CNTNAP5: variants seen among roughly 807,000 people sequenced by gnomAD.
The protein encoded by CNTNAP5 is contactin associated protein family member 5, also known as contactin-associated protein-like 5.
A neutral mutation model predicts 150.2 loss-of-function variants in CNTNAP5; 72 were observed. The observed-to-expected ratio is 0.48, with a 90% confidence interval of 0.40 to 0.58. CNTNAP5 has a LOEUF of 0.58. Ranked by LOEUF, CNTNAP5 falls within the 20% of genes least tolerant of loss-of-function variation. CNTNAP5 has a pLI of 0.00. For synonymous variants in CNTNAP5, 672 were observed against 619.8 expected (o/e 1.08, Z -1.25); for missense variants, 1,636 against 1,626.2 (o/e 1.01, Z -0.10).
intron 13 of CNTNAP5, among the ~76,000 whole-genome samples, chr2:124,652,888 A>G (rs1678352574): frequency 6.6e-6 from 1 of 152,248 alleles, no homozygotes; most frequent in East Asian, 1.9e-4. Context: ...TCTTGCAGGC[A>G]GAGGGAAGAA....
At chr2:124,352,144 C>A (rs886442041) in intron 3 of CNTNAP5, among the ~76,000 whole-genome samples, 10 of 151,916 alleles carry the variant, frequency 6.6e-5, no homozygotes, top group African/African-American at 2.2e-4. Flanking sequence ...TAATTATCTG[C>A]TACAATGACC....
At chr2:124,744,890 A>G (rs1680572831) in intron 13 of CNTNAP5, among the ~76,000 whole-genome samples, 1 of 152,200 alleles carries the variant, frequency 6.6e-6, no homozygotes, top group South Asian at 2.1e-4. Flanking sequence ...TGGGACATCT[A>G]AAGGGAAAAT....
intron 3 of CNTNAP5, among the ~76,000 whole-genome samples, chr2:124,390,376 G>A (rs1028089914): frequency 2.6e-5 from 4 of 152,152 alleles, no homozygotes; most frequent in Non-Finnish European, 4.4e-5. Context: ...TACAGAAAGG[G>A]TTACCTTCCA....
At chr2:124,061,533 G>A (rs895374313) in intron 1 of CNTNAP5, among the ~76,000 whole-genome samples, 3 of 152,150 alleles carry the variant, frequency 2.0e-5, no homozygotes. Context: ...CTAAAAGAAA[G>A]AAGACCATGG....
At position 124,479,380 on chromosome 2, in the gene CNTNAP5, A is replaced by G. The variant is rs371221694; in HGVS notation, c.1062+4498A>G. On this transcript the variant is annotated intron_variant, in intron 7 of 23. Transcript: ENST00000682447. ...TTCTCCCAGAGGCAAGGAGCATAAC[A>G]TGATTCCCTGGGAGCTGGCTGAAGT... Among the ~76,000 whole-genome samples the G allele has an allele frequency of 3.1e-4, 47 of 152,290 alleles. 1 individual carries two copies. In the East Asian group the frequency reaches 5.0e-3, roughly 16 times the overall value.
At chr2:124,075,341 T>G (rs916312512) in intron 1 of CNTNAP5, among the ~76,000 whole-genome samples, 9 of 152,244 alleles carry the variant, frequency 5.9e-5, no homozygotes, top group African/African-American at 2.2e-4. Context: ...CTCTGCACTT[T>G]CGATGCCATG....
At chr2:124,198,472 A>G (rs1417528685) in intron 1 of CNTNAP5, among the ~76,000 whole-genome samples, 1 of 151,820 alleles carries the variant, frequency 6.6e-6, no homozygotes, top group Non-Finnish European at 1.5e-5. Flanking sequence ...TCATGAGTAT[A>G]CTGCGTGATG....
chr2:124,750,449 G>C (rs1680699946), intron 14 of CNTNAP5, among the ~76,000 whole-genome samples: 1 of 152,180 alleles, frequency 6.6e-6, no homozygotes, highest in Admixed American at 6.5e-5. Context: ...GCAAGTCATA[G>C]CTTGTGATAA....
At chr2:124,083,280 G>A (rs113771473) in intron 1 of CNTNAP5, among the ~76,000 whole-genome samples, 13,730 of 152,262 alleles carry the variant, frequency 0.09, 680 homozygotes, top group Non-Finnish European at 0.12. Context: ...CCCGAGAGGT[G>A]AGGTTGCAGT....
At chr2:124,044,218 A>T (rs1449371935) in intron 1 of CNTNAP5, among the ~76,000 whole-genome samples, 1 of 152,160 alleles carries the variant, frequency 6.6e-6, no homozygotes, top group African/African-American at 2.4e-5. Flanking sequence ...ATTACTACTA[A>T]TCTGGCTCAT....
chr2:124,389,967 ATAATAATAG>A (rs965835433), intron 3 of CNTNAP5, among the ~76,000 whole-genome samples: 31 of 137,666 alleles, frequency 2.3e-4, no homozygotes, highest in African/African-American at 5.3e-4. Context: ...CATCTCCAAA[ATAATAATAG>A]TAATAATAGT....
chr2:124,206,537 A>G (rs1685866764), intron 1 of CNTNAP5, among the ~76,000 whole-genome samples: 1 of 152,114 alleles, frequency 6.6e-6, no homozygotes, highest in African/African-American at 2.4e-5. Context: ...CACAAGGGTT[A>G]GGTTGATTCT....
intron 3 of CNTNAP5, among the ~76,000 whole-genome samples, chr2:124,275,197 T>A (rs1405921969): frequency 6.6e-6 from 1 of 152,108 alleles, no homozygotes; most frequent in Non-Finnish European, 1.5e-5. Context: ...ATGACATGTG[T>A]CAATTGTGAG....
At chr2:124,513,878 A>G (rs980982690) in intron 8 of CNTNAP5, among the ~76,000 whole-genome samples, 5 of 152,174 alleles carry the variant, frequency 3.3e-5, no homozygotes, top group African/African-American at 9.7e-5. Context: ...CAGTTAACAG[A>G]GCTGATCCCC....
At position 124,637,281 on chromosome 2, in the gene CNTNAP5, G is replaced by C. The variant is rs1383062012; in HGVS notation, c.1877-10477G>C. 2.0e-5 allele frequency among the ~76,000 whole-genome samples: 3 copies of C among 152,034 alleles called. No individual in the cohort carries two copies. In the East Asian group the frequency reaches 5.8e-4, roughly 29 times the overall value. On this transcript the variant is annotated intron_variant, in intron 12 of 23. Coordinates refer to ENST00000682447, the MANE Select transcript of CNTNAP5 (RefSeq NM_001367498.1). ...CTGACCCCTTCTTTTTGCTTTTGTT[G>C]TTGTTGTTGGTTGGTTGGTTTTCAT...
chr2:124,080,704 A>G (rs1043918548), intron 1 of CNTNAP5, among the ~76,000 whole-genome samples: 1 of 152,234 alleles, frequency 6.6e-6, no homozygotes, highest in Non-Finnish European at 1.5e-5. Flanking sequence ...TTTTGAAAAT[A>G]CCTTGACTGA....
Position 124,860,452 on chromosome 2 carries a change from T to TTTCC in CNTNAP5, c.3218-4806_3218-4803dup, listed in dbSNP as rs1184201565. On this transcript the variant is annotated intron_variant, in intron 19 of 23. Coordinates refer to ENST00000682447, the MANE Select transcript of CNTNAP5 (RefSeq NM_001367498.1). ...CCTTCCTTCCTTCCTTCCTTCCTTC[T>TTTCC]TTCCTTCCTTCCTTCCTTCCTTCCT... Among the ~76,000 whole-genome samples, 7 of 48,270 alleles carry TTTCC rather than the reference T, an allele frequency of 1.5e-4. 1 individual carries two copies. The highest frequency in any genetic ancestry group is 1.4e-3 in the South Asian group (2 of 1,384). The allele number at this position is 48,270 out of a possible 152,430, so 31.7% of individuals were successfully genotyped here.
At chr2:124,097,991 G>A (rs895158278) in intron 1 of CNTNAP5, among the ~76,000 whole-genome samples, 3 of 152,120 alleles carry the variant, frequency 2.0e-5, no homozygotes, top group African/African-American at 4.8e-5. Context: ...TGGCGCCACT[G>A]CACTCCAGCC....
At chr2:124,751,023 C>A (rs1030049030) in intron 14 of CNTNAP5, among the ~76,000 whole-genome samples, 1 of 150,076 alleles carries the variant, frequency 6.7e-6, no homozygotes, top group Non-Finnish European at 1.5e-5. Context: ...CAAAAACTGC[C>A]ATGAGTTTTG....
Sources: allele counts gnomAD v4.1 joint callset (sites outside exome capture counted in the v4.1 genomes callset), GRCh38; gene constraint gnomAD v4.1.1; transcripts MANE v1.5; gene names NCBI Gene and HGNC (gene_info 2026-07-23, HGNC 2026-07-21).